The following ZNF385B variants were observed in gnomAD, a reference collection of about 807,000 sequenced individuals.
ZNF385B encodes the protein zinc finger protein 533.
In ZNF385B, 23 loss-of-function variants were observed where a neutral mutation model predicts 39.2. The observed-to-expected ratio is 0.59, with a 90% confidence interval of 0.42 to 0.83. The LOEUF (loss-of-function observed/expected upper bound fraction) is 0.83, where lower values mean the gene tolerates loss of function less well. Among genes scored for constraint, ZNF385B ranks in the 40% least tolerant of loss-of-function variants. ZNF385B has a pLI of 0.00. For synonymous variants in ZNF385B, 205 were observed against 222.6 expected (o/e 0.92, Z 0.70); for missense variants, 552 against 598.9 (o/e 0.92, Z 0.82).
intron 6 of ZNF385B, among the ~76,000 whole-genome samples, chr2:179,465,689 T>C (rs1227394166): frequency 6.6e-6 from 1 of 152,152 alleles, no homozygotes; most frequent in Non-Finnish European, 1.5e-5. Flanking sequence ...TTTTAGGCCC[T>C]AATCTATTCT....
At chr2:179,562,600 T>C in intron 3 of ZNF385B, 1 of 985,378 alleles carries the variant, frequency 1.0e-6, no homozygotes, top group South Asian at 4.7e-5. Flanking sequence ...TTGAGGATCG[T>C]GTTTGCAACT....
intron 3 of ZNF385B, among the ~76,000 whole-genome samples, chr2:179,609,453 C>T (rs1689107142): frequency 6.6e-6 from 1 of 152,052 alleles, no homozygotes; most frequent in Non-Finnish European, 1.5e-5. Flanking sequence ...GTATATGTAC[C>T]ACATTTTCTT....
At chr2:179,767,202 TG>T (rs34121239) in intron 3 of ZNF385B, among the ~76,000 whole-genome samples, 1 of 152,206 alleles carries the variant, frequency 6.6e-6, no homozygotes, top group African/African-American at 2.4e-5. Context: ...AGGGACAATC[TG>T]GGGGATCCCT....
chr2:179,666,819 C>T (rs556677338), intron 3 of ZNF385B, among the ~76,000 whole-genome samples: 3 of 152,294 alleles, frequency 2.0e-5, no homozygotes, highest in Non-Finnish European at 4.4e-5. Flanking sequence ...TTTTCATTTG[C>T]TCACATATTT....
At chr2:179,580,203 A>G (rs537885685) in intron 3 of ZNF385B, among the ~76,000 whole-genome samples, 33 of 146,404 alleles carry the variant, frequency 2.3e-4, no homozygotes, top group African/African-American at 7.1e-4. Context: ...AGAGTGCTCT[A>G]CAAACATCAT....
intron 6 of ZNF385B, among the ~76,000 whole-genome samples, chr2:179,462,886 C>T (rs528716693): frequency 4.6e-5 from 7 of 151,958 alleles, no homozygotes; most frequent in Non-Finnish European, 8.8e-5. Context: ...ATAATTTGAA[C>T]GCACTATTTA....
intron 3 of ZNF385B, among the ~76,000 whole-genome samples, chr2:179,599,588 A>G (rs1688254520): frequency 6.6e-6 from 1 of 152,192 alleles, no homozygotes; most frequent in African/African-American, 2.4e-5. Context: ...CCATTAAGTT[A>G]TTTAAATGTC....
Position 179,443,255 on chromosome 2 carries a change from A to C in ZNF385B, c.1456T>G (p.Tyr486Asp). ...ATPASILFAP[Y>D] Reference sequence around the variant, plus strand: ...CGTCTTGGGGTTTGCAGACGTTAGTACGGAGCAAAGAGGATGGAGGCAGGA... The same window carrying C: ...CGTCTTGGGGTTTGCAGACGTTAGTCCGGAGCAAAGAGGATGGAGGCAGGA... The change falls in exon 10 of 10, where the codon TAC becomes GAC. Residue 486 changes from tyrosine to aspartate, a missense_variant. Physicochemically the swap from Tyr to Asp is radical, Grantham distance 160. Coordinates refer to ENST00000410066, the MANE Select transcript of ZNF385B (RefSeq NM_152520.6). 1 of 1,612,350 alleles carries C rather than the reference A, an allele frequency of 6.2e-7. No individual in the cohort carries two copies.
intron 3 of ZNF385B, among the ~76,000 whole-genome samples, chr2:179,661,315 C>A (rs1057332987): frequency 6.6e-6 from 1 of 152,158 alleles, no homozygotes; most frequent in Admixed American, 6.5e-5. Flanking sequence ...GAAATTCAGG[C>A]CTCTTGCATA....
chr2:179,691,469 A>G (rs1234031607), intron 3 of ZNF385B, among the ~76,000 whole-genome samples: 3 of 152,224 alleles, frequency 2.0e-5, no homozygotes, highest in African/African-American at 7.2e-5. Context: ...CTCATTCAAT[A>G]AATATTTACC....
At chr2:179,620,956 TC>T (rs1389064417) in intron 3 of ZNF385B, among the ~76,000 whole-genome samples, 2 of 152,192 alleles carry the variant, frequency 1.3e-5, no homozygotes, top group Non-Finnish European at 2.9e-5. Context: ...CTAGATACTG[TC>T]CTTTATTTTC....
At chr2:179,772,730 T>C (rs922093097) in intron 1 of ZNF385B, among the ~76,000 whole-genome samples, 1 of 152,208 alleles carries the variant, frequency 6.6e-6, no homozygotes, top group African/African-American at 2.4e-5. Context: ...TCACTTTCTA[T>C]TTTAAATTTT....
chr2:179,771,425 C>T (rs1183596274), intron 1 of ZNF385B, among the ~76,000 whole-genome samples: 2 of 152,146 alleles, frequency 1.3e-5, no homozygotes, highest in African/African-American at 4.8e-5. Context: ...TATGCAAAAC[C>T]TACTTGTCCC....
chr2:179,699,058 A>C (rs1698975351), intron 3 of ZNF385B, among the ~76,000 whole-genome samples: 1 of 152,054 alleles, frequency 6.6e-6, no homozygotes, highest in Admixed American at 6.6e-5. Context: ...GATATTATCA[A>C]ATAATGTTAT....
chr2:179,727,809 T>C (rs1701115902), intron 3 of ZNF385B, among the ~76,000 whole-genome samples: 1 of 152,112 alleles, frequency 6.6e-6, no homozygotes, highest in Admixed American at 6.5e-5. Flanking sequence ...AGAAAAGATT[T>C]ATTTTGAACA....
At chr2:179,591,964 A>G (rs1687602430) in intron 3 of ZNF385B, among the ~76,000 whole-genome samples, 1 of 152,104 alleles carries the variant, frequency 6.6e-6, no homozygotes, top group Admixed American at 6.6e-5. Flanking sequence ...CATGCCCTAT[A>G]TAGTCCATAG....
At chr2:179,805,138 C>G (rs1360027837) in intron 1 of ZNF385B, among the ~76,000 whole-genome samples, 1 of 152,066 alleles carries the variant, frequency 6.6e-6, no homozygotes, top group Non-Finnish European at 1.5e-5. Context: ...ACTTTCTGTT[C>G]TTGGAACCCG....
chr2:179,797,001 C>G (rs1476828307), intron 1 of ZNF385B, among the ~76,000 whole-genome samples: 1 of 152,052 alleles, frequency 6.6e-6, no homozygotes, highest in African/African-American at 2.4e-5. Flanking sequence ...CTGGCACATA[C>G]TTGATATTTA....
intron 4 of ZNF385B, among the ~76,000 whole-genome samples, chr2:179,523,240 A>C (rs1348802062): frequency 2.0e-5 from 3 of 152,176 alleles, no homozygotes; most frequent in Admixed American, 6.5e-5. Flanking sequence ...TTATAAAACA[A>C]ATTAATGAAG....
Sources: gnomAD v4.1 joint callset for allele counts (sites outside exome capture counted in the v4.1 genomes callset) on GRCh38, gnomAD v4.1.1 for gene constraint, MANE v1.5 for transcripts, NCBI Gene and HGNC (gene_info 2026-07-23, HGNC 2026-07-21) for gene names.